The following GALNT13 variants were observed in gnomAD, a reference collection of about 807,000 sequenced individuals.
GALNT13 encodes the protein UDP-GalNAc:polypeptide N-acetylgalactosaminyltransferase 13.
Under a neutral mutation model 64.2 loss-of-function variants are expected in GALNT13, and 28 were observed. The observed-to-expected ratio is 0.44, with a 90% confidence interval of 0.32 to 0.60. GALNT13 has a LOEUF of 0.60. Among genes scored for constraint, GALNT13 ranks in the 20% least tolerant of loss-of-function variants. The probability of loss-of-function intolerance (pLI) is 0.05; values close to 1 mark genes in which losing one functional copy is unlikely to be tolerated. For synonymous variants in GALNT13, 214 were observed against 224.6 expected (o/e 0.95, Z 0.42); for missense variants, 577 against 669.8 (o/e 0.86, Z 1.53).
intron 3 of GALNT13, among the ~76,000 whole-genome samples, chr2:153,981,523 C>T (rs970232512): frequency 2.0e-5 from 3 of 152,088 alleles, no homozygotes; most frequent in Admixed American, 6.6e-5. Context: ...CAGCTTCATC[C>T]ATGTCCCTAC....
chr2:153,137,616 G>A, the GALNT13 span, among the ~76,000 whole-genome samples: 1 of 151,152 alleles, frequency 6.6e-6, no homozygotes, highest in South Asian at 2.1e-4. Flanking sequence ...TTCTAGTCCT[G>A]AAACTCATTT....
the GALNT13 span, among the ~76,000 whole-genome samples, chr2:153,133,590 G>T: frequency 1.8e-4 from 27 of 152,236 alleles, no homozygotes; most frequent in African/African-American, 6.3e-4. Flanking sequence ...CTGAACTGAG[G>T]AGAAAGTCCT....
the GALNT13 span, among the ~76,000 whole-genome samples, chr2:153,326,784 C>A: frequency 2.0e-5 from 3 of 152,266 alleles, no homozygotes; most frequent in Admixed American, 1.3e-4. Flanking sequence ...GTTGAAAATT[C>A]TTTTCTTTAA....
At chr2:153,804,072 A>G in the GALNT13 span, among the ~76,000 whole-genome samples, 1 of 152,226 alleles carries the variant, frequency 6.6e-6, no homozygotes, top group Non-Finnish European at 1.5e-5. Flanking sequence ...TGACATTAAC[A>G]GAAGAAAAGG....
the GALNT13 span, among the ~76,000 whole-genome samples, chr2:153,671,794 A>G: frequency 6.6e-6 from 1 of 152,196 alleles, no homozygotes; most frequent in Non-Finnish European, 1.5e-5. Flanking sequence ...GGTGTGCTGT[A>G]TTCAGGAGAC....
At chr2:153,073,239 G>A in the GALNT13 span, among the ~76,000 whole-genome samples, 1 of 151,778 alleles carries the variant, frequency 6.6e-6, no homozygotes, top group African/African-American at 2.4e-5. Context: ...TCAAGGAGTG[G>A]GTTGTGGCTC....
chr2:153,544,979 A>G, the GALNT13 span, among the ~76,000 whole-genome samples: 7 of 152,206 alleles, frequency 4.6e-5, no homozygotes, highest in African/African-American at 1.7e-4. Flanking sequence ...TAGAAATGAA[A>G]AGAGGTCTTG....
At chr2:153,436,447 C>A in the GALNT13 span, among the ~76,000 whole-genome samples, 413 of 152,248 alleles carry the variant, frequency 2.7e-3, 19 homozygotes, top group East Asian at 0.073. Flanking sequence ...GGCTGTGAAT[C>A]CATCTGGTCC....
intron 1 of GALNT13, among the ~76,000 whole-genome samples, chr2:153,885,454 A>C (rs1687104584): frequency 6.6e-6 from 1 of 151,152 alleles, no homozygotes; most frequent in African/African-American, 2.4e-5. Context: ...ATTTTCCCAC[A>C]GCTTAATGGT....
the GALNT13 span, among the ~76,000 whole-genome samples, chr2:153,418,120 C>G: frequency 1.8e-4 from 28 of 152,046 alleles, no homozygotes; most frequent in African/African-American, 5.3e-4. Flanking sequence ...CCAATGTAAT[C>G]AGAATACTGC....
At chr2:153,712,173 C>T in the GALNT13 span, among the ~76,000 whole-genome samples, 147 of 152,088 alleles carry the variant, frequency 9.7e-4, no homozygotes, top group African/African-American at 3.5e-3. Context: ...CTTATACTTC[C>T]GATCCTTTTT....
chr2:153,345,021 G>A, the GALNT13 span, among the ~76,000 whole-genome samples: 1 of 152,180 alleles, frequency 6.6e-6, no homozygotes, highest in Admixed American at 6.5e-5. Context: ...CAATACATCT[G>A]AAAGCATCAA....
At position 154,145,048 on chromosome 2, in the gene GALNT13, T is replaced by TTCTCTCTC. The variant is rs3075862; in HGVS notation, c.311+4561_311+4568dup. On this transcript the variant is annotated intron_variant, in intron 4 of 12. Transcript: ENST00000392825. ...CTTCATTCCTGGGATATTTATGTAG[T>TTCTCTCTC]TCTCTCTCTCTCTCTCTCTCTCTCT... Among the ~76,000 whole-genome samples the TTCTCTCTC allele has an allele frequency of 3.6e-3, 383 of 106,622 alleles. 1 individual carries two copies. The highest frequency in any genetic ancestry group is 0.01 in the Middle Eastern group (2 of 194). The allele number at this position is 106,622 out of a possible 152,430, so 69.9% of individuals were successfully genotyped here. A position where few individuals can be genotyped will look rare whatever the true frequency, so the allele number is the denominator to read the frequency against.
the GALNT13 span, among the ~76,000 whole-genome samples, chr2:153,080,426 T>C: frequency 6.6e-6 from 1 of 152,124 alleles, no homozygotes; most frequent in East Asian, 1.9e-4. Flanking sequence ...TAGTTCTCCT[T>C]TGAGTTGTTT....
chr2:153,266,957 A>G, the GALNT13 span, among the ~76,000 whole-genome samples: 1 of 152,230 alleles, frequency 6.6e-6, no homozygotes, highest in South Asian at 2.1e-4. Context: ...GTAAAATCAC[A>G]TGCAAGTCAG....
chr2:154,377,062 T>A (rs1242523934), intron 9 of GALNT13, among the ~76,000 whole-genome samples: 3 of 152,158 alleles, frequency 2.0e-5, no homozygotes, highest in African/African-American at 2.4e-5. Flanking sequence ...ATCTTTATAA[T>A]TCTACCTGCA....
the GALNT13 span, among the ~76,000 whole-genome samples, chr2:153,749,955 G>C: frequency 1.3e-5 from 2 of 151,808 alleles, no homozygotes; most frequent in Non-Finnish European, 3.0e-5. Flanking sequence ...TATGATACTA[G>C]CTGTGGGCCT....
the GALNT13 span, among the ~76,000 whole-genome samples, chr2:153,733,453 T>C: frequency 6.6e-6 from 1 of 152,188 alleles, no homozygotes; most frequent in Non-Finnish European, 1.5e-5. Flanking sequence ...ATTTTCTTTG[T>C]GCCATAGTGA....
chr2:153,820,111 C>T, the GALNT13 span, among the ~76,000 whole-genome samples: 1 of 152,086 alleles, frequency 6.6e-6, no homozygotes, highest in Non-Finnish European at 1.5e-5. Context: ...TTTCAAAATA[C>T]AATTGAAAGC....
Sources: allele counts gnomAD v4.1 joint callset (sites outside exome capture counted in the v4.1 genomes callset), GRCh38; gene constraint gnomAD v4.1.1; transcripts MANE v1.5; gene names NCBI Gene and HGNC (gene_info 2026-07-23, HGNC 2026-07-21).